The following RIMS1 variants were observed in gnomAD, a reference collection of about 807,000 sequenced individuals.
RIMS1 encodes the protein regulating synaptic membrane exocytosis 1, also known as regulating synaptic membrane exocytosis protein 1.
A neutral mutation model predicts 214.1 loss-of-function variants in RIMS1; 83 were observed. The ratio of observed to expected loss-of-function variants is 0.39; its 90% CI spans 0.32 to 0.47. The LOEUF (loss-of-function observed/expected upper bound fraction) is 0.47, where lower values mean the gene tolerates loss of function less well. Ranked by LOEUF, RIMS1 falls within the 20% of genes least tolerant of loss-of-function variation. The pLI is 0.99. For missense variants in RIMS1, 2,050 were observed against 2,161.8 expected (o/e 0.95, Z 1.03); for synonymous variants, 793 against 786.8 (o/e 1.01, Z -0.13).
intron 2 of RIMS1, among the ~76,000 whole-genome samples, chr6:72,045,897 AACCCTT>A (rs1427721331): frequency 1.3e-5 from 2 of 151,564 alleles, no homozygotes; most frequent in East Asian, 3.9e-4. Flanking sequence ...TTTAAATTGA[AACCCTT>A]TAATTTAAGA....
At chr6:72,140,184 A>G (rs555779006) in intron 4 of RIMS1, among the ~76,000 whole-genome samples, 1 of 152,166 alleles carries the variant, frequency 6.6e-6, no homozygotes, top group Non-Finnish European at 1.5e-5. Context: ...GACCTTTTTT[A>G]TTTAAAAAAA....
At chr6:72,286,675 T>A (rs2092370151) in intron 24 of RIMS1, among the ~76,000 whole-genome samples, 1 of 152,180 alleles carries the variant, frequency 6.6e-6, no homozygotes. Flanking sequence ...TAGCTCTGAA[T>A]AAGAGCTGTT....
intron 4 of RIMS1, among the ~76,000 whole-genome samples, chr6:72,144,273 A>G (rs939871581): frequency 2.6e-5 from 4 of 152,224 alleles, no homozygotes; most frequent in African/African-American, 9.6e-5. Context: ...TCTGAATTTC[A>G]GAAAAGCAGC....
chr6:72,006,112 C>T (rs9446535), intron 2 of RIMS1, among the ~76,000 whole-genome samples: 1,961 of 152,182 alleles, frequency 0.013, 39 homozygotes, highest in African/African-American at 0.044. Context: ...GAGCAGAGAG[C>T]GGAAGCAAAC....
At chr6:72,038,102 AAAAAAAAAAAAAAAAAATATATATAT>A (rs1380897160) in intron 2 of RIMS1, among the ~76,000 whole-genome samples, 1 of 72,524 alleles carries the variant, frequency 1.4e-5, no homozygotes, top group African/African-American at 6.6e-5. Flanking sequence ...AAAAAAAAAA[AAAAAAAAAAAAAAAAAATATATATAT>A]ATATATATAT....
intron 29 of RIMS1, among the ~76,000 whole-genome samples, chr6:72,361,387 T>C (rs1163001688): frequency 1.3e-5 from 2 of 152,076 alleles, no homozygotes; most frequent in African/African-American, 2.4e-5. Flanking sequence ...ATTACAGGTG[T>C]GAGCCACTGC....
chr6:72,263,045 G>C (rs2078773198), intron 19 of RIMS1: 1 of 901,618 alleles, frequency 1.1e-6, no homozygotes, highest in African/African-American at 1.8e-5. Context: ...TTCAAAATCA[G>C]ATCTATTTGA....
intron 2 of RIMS1, among the ~76,000 whole-genome samples, chr6:71,976,047 TG>T (rs1001131994): frequency 2.6e-5 from 4 of 152,116 alleles, no homozygotes; most frequent in African/African-American, 9.7e-5. Context: ...GGGATATGGA[TG>T]TTCTCAATTC....
chr6:72,332,731 C>A (rs1026785655), intron 28 of RIMS1, among the ~76,000 whole-genome samples: 1 of 151,222 alleles, frequency 6.6e-6, no homozygotes, highest in South Asian at 2.1e-4. Context: ...GCTTGCTTGC[C>A]CTACCTCTCC....
intron 22 of RIMS1, among the ~76,000 whole-genome samples, chr6:72,271,269 GAAAAAA>G (rs1159251437): frequency 1.4e-3 from 75 of 52,752 alleles, no homozygotes; most frequent in African/African-American, 3.3e-3. Context: ...CCATCTCAAG[GAAAAAA>G]AAAAAAAAAA....
At position 72,401,765 on chromosome 6, in the gene RIMS1, C is replaced by T. The variant is rs569003366; in HGVS notation, c.*1051C>T. ...CTTCTCAGCCATACCTCAGTGTAGA[C>T]ACATCCATCTGCCCTGGAAAGAGCA... On this transcript the variant is annotated 3_prime_UTR_variant, in exon 34 of 34. Transcript: ENST00000521978. 6.5e-6 allele frequency: 1 copy of T among 152,760 alleles called. No individual in the cohort carries two copies. Among genetic ancestry groups the T allele is most frequent in the Non-Finnish European group, 1.5e-5 (1 of 68,038 alleles). 9.5% of individuals were successfully genotyped at this position (152,760 alleles called of 1,614,324 possible). A position where few individuals can be genotyped will look rare whatever the true frequency, so the allele number is the denominator to read the frequency against.
chr6:71,899,096 A>G (rs1772786412), intron 1 of RIMS1, among the ~76,000 whole-genome samples: 1 of 152,096 alleles, frequency 6.6e-6, no homozygotes, highest in Non-Finnish European at 1.5e-5. Flanking sequence ...GGACTAAGAA[A>G]TATTTTATTT....
At chr6:71,929,042 G>T (rs1782335658) in intron 1 of RIMS1, among the ~76,000 whole-genome samples, 1 of 152,156 alleles carries the variant, frequency 6.6e-6, no homozygotes, top group South Asian at 2.1e-4. Context: ...TTTTCAGGCT[G>T]AATTTGGTTA....
At chr6:72,092,318 T>TTCCTTCCTTCCG in intron 2 of RIMS1, among the ~76,000 whole-genome samples, 1 of 138,248 alleles carries the variant, frequency 7.2e-6, no homozygotes, top group African/African-American at 2.6e-5. Flanking sequence ...CCTTCCTTCC[T>TTCCTTCCTTCCG]TCCATAATAT....
At chr6:72,316,319 A>G (rs980619004) in intron 28 of RIMS1, among the ~76,000 whole-genome samples, 2 of 152,104 alleles carry the variant, frequency 1.3e-5, no homozygotes, top group Non-Finnish European at 1.5e-5. Context: ...TGGTGGACAG[A>G]GAAGAGGAGA....
chr6:72,099,018 A>G (rs1397918895), intron 3 of RIMS1, among the ~76,000 whole-genome samples: 1 of 152,180 alleles, frequency 6.6e-6, no homozygotes, highest in Non-Finnish European at 1.5e-5. Flanking sequence ...GCAACATCAA[A>G]ATACTTAACA....
At chr6:71,995,821 T>C (rs1330143217) in intron 2 of RIMS1, among the ~76,000 whole-genome samples, 2 of 151,960 alleles carry the variant, frequency 1.3e-5, no homozygotes, top group Non-Finnish European at 2.9e-5. Flanking sequence ...GAGTCTTGCT[T>C]TGCCGCTCAG....
At chr6:71,948,934 T>C (rs2151100885) in intron 1 of RIMS1, among the ~76,000 whole-genome samples, 1 of 152,272 alleles carries the variant, frequency 6.6e-6, no homozygotes, top group South Asian at 2.1e-4. Flanking sequence ...AGTTTACTCA[T>C]CAAACCTATA....
chr6:72,111,226 A>C (rs1344840175), intron 4 of RIMS1, among the ~76,000 whole-genome samples: 2 of 152,076 alleles, frequency 1.3e-5, no homozygotes, highest in Non-Finnish European at 2.9e-5. Context: ...TCAGCTACCT[A>C]CTTTGACCTC....
Sources: gnomAD v4.1 joint callset for allele counts (sites outside exome capture counted in the v4.1 genomes callset) on GRCh38, gnomAD v4.1.1 for gene constraint, MANE v1.5 for transcripts, NCBI Gene and HGNC (gene_info 2026-07-23, HGNC 2026-07-21) for gene names.